LRMDA: variants seen among roughly 807,000 people sequenced by gnomAD.
LRMDA encodes leucine rich melanocyte differentiation associated, also known as leucine-rich melanocyte differentiation-associated protein.
A neutral mutation model predicts 29.8 loss-of-function variants in LRMDA; 18 were observed. That is an observed-to-expected ratio of 0.60 (90% CI 0.42 to 0.90). LRMDA has a LOEUF of 0.90. Among genes scored for constraint, LRMDA ranks in the 40% least tolerant of loss-of-function variants. LRMDA has a pLI of 0.00. For missense variants in LRMDA, 273 were observed against 273.9 expected (o/e 1.00, Z 0.02); for synonymous variants, 125 against 109.4 (o/e 1.14, Z -0.89).
At chr10:76,458,109 A>G (rs189598420) in intron 6 of LRMDA, among the ~76,000 whole-genome samples, 337 of 135,550 alleles carry the variant, frequency 2.5e-3, no homozygotes, top group South Asian at 0.012. Context: ...GTTTTCTTTC[A>G]CACTCCTAGT....
chr10:76,083,557 A>T (rs1294225658), intron 5 of LRMDA, among the ~76,000 whole-genome samples: 1 of 152,222 alleles, frequency 6.6e-6, no homozygotes, highest in Non-Finnish European at 1.5e-5. Context: ...GGCTTGGCAC[A>T]GTGGCTCACG....
intron 2 of LRMDA, among the ~76,000 whole-genome samples, chr10:75,453,821 C>A (rs150384611): frequency 2.0e-3 from 305 of 152,294 alleles, no homozygotes; most frequent in Non-Finnish European, 2.8e-3. Flanking sequence ...AAGTTGTGAT[C>A]CCTTTCCTCA....
chr10:75,504,699 C>T (rs970721277), intron 2 of LRMDA, among the ~76,000 whole-genome samples: 1 of 151,906 alleles, frequency 6.6e-6, no homozygotes, highest in East Asian at 1.9e-4. Flanking sequence ...TGTGCAAAGG[C>T]CTTGTGGGAG....
intron 6 of LRMDA, among the ~76,000 whole-genome samples, chr10:76,399,947 A>C (rs905174987): frequency 6.6e-6 from 1 of 152,068 alleles, no homozygotes; most frequent in African/African-American, 2.4e-5. Context: ...GGTCCTTATA[A>C]TATCTGTTAT....
chr10:76,003,665 T>G (rs1386895992), intron 2 of LRMDA, among the ~76,000 whole-genome samples: 4 of 152,036 alleles, frequency 2.6e-5, no homozygotes, highest in Middle Eastern at 6.8e-3. Flanking sequence ...GAAGGTGAGA[T>G]GAGTAAATGG....
intron 2 of LRMDA, among the ~76,000 whole-genome samples, chr10:75,462,462 G>C (rs1031557771): frequency 2.0e-5 from 3 of 152,176 alleles, no homozygotes; most frequent in Non-Finnish European, 4.4e-5. Context: ...GGCCTTCTTG[G>C]CTGTCATTGT....
intron 5 of LRMDA, among the ~76,000 whole-genome samples, chr10:76,206,327 T>C (rs146330553): frequency 1.3e-5 from 2 of 152,326 alleles, no homozygotes; most frequent in Non-Finnish European, 2.9e-5. Flanking sequence ...TCACCTTTCA[T>C]AAGCTTGCTC....
chr10:75,498,453 T>C (rs1390211937), intron 2 of LRMDA, among the ~76,000 whole-genome samples: 1 of 152,132 alleles, frequency 6.6e-6, no homozygotes, highest in Non-Finnish European at 1.5e-5. Flanking sequence ...GCGACGTGTG[T>C]GTGTGCACGA....
At chr10:75,988,094 G>C (rs576243909) in intron 2 of LRMDA, among the ~76,000 whole-genome samples, 11 of 152,336 alleles carry the variant, frequency 7.2e-5, no homozygotes, top group Non-Finnish European at 1.3e-4. Context: ...CAGGAGGCAC[G>C]ATAGCTCCTC....
chr10:75,663,481 G>T (rs1206958090), intron 2 of LRMDA, among the ~76,000 whole-genome samples: 1 of 152,118 alleles, frequency 6.6e-6, no homozygotes, highest in Non-Finnish European at 1.5e-5. Flanking sequence ...CCAATATAAG[G>T]CCTCGAGTGT....
chr10:75,450,032 C>T (rs1187215562), intron 2 of LRMDA: 3 of 152,154 alleles, frequency 2.0e-5, no homozygotes, highest in African/African-American at 7.2e-5. Flanking sequence ...TCAGCTGTTC[C>T]CTGCTCCTTG....
chr10:75,751,488 C>T (rs1255516262), intron 2 of LRMDA, among the ~76,000 whole-genome samples: 1 of 152,180 alleles, frequency 6.6e-6, no homozygotes, highest in Non-Finnish European at 1.5e-5. Flanking sequence ...AGTTATCTTA[C>T]ATCAAAATAA....
chr10:75,504,951 T>C (rs1845154522), intron 2 of LRMDA, among the ~76,000 whole-genome samples: 2 of 152,048 alleles, frequency 1.3e-5, no homozygotes, highest in African/African-American at 2.4e-5. Flanking sequence ...TGTAGGTAGA[T>C]CATGTCATCC....
At chr10:76,238,844 A>G (rs1168548890) in intron 5 of LRMDA, among the ~76,000 whole-genome samples, 1 of 151,784 alleles carries the variant, frequency 6.6e-6, no homozygotes, top group Non-Finnish European at 1.5e-5. Context: ...AGAGTGTGTG[A>G]TGGCGACGGC....
intron 2 of LRMDA, among the ~76,000 whole-genome samples, chr10:75,452,170 TC>T (rs1247463961): frequency 6.6e-5 from 10 of 152,130 alleles, no homozygotes; most frequent in Non-Finnish European, 1.2e-4. Flanking sequence ...TCTGCTCACT[TC>T]CTCCTTCACT....
chr10:76,381,527 T>A (rs1280753640), intron 6 of LRMDA, among the ~76,000 whole-genome samples: 1 of 152,188 alleles, frequency 6.6e-6, no homozygotes, highest in Non-Finnish European at 1.5e-5. Flanking sequence ...AAGAGTTTTC[T>A]GGTATTCCAA....
intron 5 of LRMDA, among the ~76,000 whole-genome samples, chr10:76,167,461 C>A (rs1370967833): frequency 6.6e-6 from 1 of 152,114 alleles, no homozygotes; most frequent in Non-Finnish European, 1.5e-5. Flanking sequence ...CAGTTTCAAT[C>A]TTTGGCATAT....
At chr10:76,279,539 CTTTT>C (rs759651873) in intron 5 of LRMDA, among the ~76,000 whole-genome samples, 1 of 93,808 alleles carries the variant, frequency 1.1e-5, no homozygotes, top group Non-Finnish European at 2.1e-5. Context: ...ACAAATGCTT[CTTTT>C]TTTTTTTTTT....
At chr10:75,847,619 G>C (rs543641489) in intron 2 of LRMDA, among the ~76,000 whole-genome samples, 2 of 152,164 alleles carry the variant, frequency 1.3e-5, no homozygotes, top group Non-Finnish European at 2.9e-5. Context: ...GTTAAATCCA[G>C]AATATATAAA....
Sources: allele counts gnomAD v4.1 joint callset (sites outside exome capture counted in the v4.1 genomes callset), GRCh38; gene constraint gnomAD v4.1.1; transcripts MANE v1.5; gene names NCBI Gene and HGNC (gene_info 2026-07-23, HGNC 2026-07-21).